CSMD1: variants seen among roughly 807,000 people sequenced by gnomAD.
CSMD1 encodes CUB and Sushi multiple domains 1.
In CSMD1, 213 loss-of-function variants were observed where a neutral mutation model predicts 417.5. That is an observed-to-expected ratio of 0.51 (90% CI 0.46 to 0.57). The LOEUF is 0.57. Among genes scored for constraint, CSMD1 ranks in the 20% least tolerant of loss-of-function variants. The pLI is 0.00. For missense variants in CSMD1, 6,923 were observed against 4,529.7 expected, an observed-to-expected ratio of 1.53 and a Z score of -15.17; for synonymous variants, 2,862 against 1,736.8, an observed-to-expected ratio of 1.65 and a Z score of -16.11.
At chr8:4,343,247 A>G (rs946715214) in intron 3 of CSMD1, among the ~76,000 whole-genome samples, 2 of 152,138 alleles carry the variant, frequency 1.3e-5, no homozygotes, top group East Asian at 1.9e-4. Flanking sequence ...CACAGACAGG[A>G]GGATGGAGGT....
intron 1 of CSMD1, among the ~76,000 whole-genome samples, chr8:4,702,772 G>A (rs1316918194): frequency 1.3e-5 from 2 of 152,098 alleles, no homozygotes; most frequent in Non-Finnish European, 2.9e-5. Flanking sequence ...ATCCTTTTGC[G>A]GGAAAATGTT....
In CSMD1 at chr8:3,589,951, T is replaced by C. The variant is rs144861627; in HGVS notation, c.1098-3691A>G. ...GGCAATATATGTTTATCATCCAAAA[T>C]ATAGGAAATTTCTGGTGATATTCTT... On this transcript the variant is annotated intron_variant, in intron 8 of 69. Transcript: ENST00000635120. 1.0e-3 allele frequency among the ~76,000 whole-genome samples: 60 copies of C among 57,790 alleles called. 1 individual carries two copies. Among genetic ancestry groups the C allele is most frequent in the African/African-American group, 4.6e-3 (59 of 12,700 alleles). 37.9% of individuals were successfully genotyped at this position (57,790 alleles called of 152,430 possible). A position where few individuals can be genotyped will look rare whatever the true frequency, so the allele number is the denominator to read the frequency against.
At chr8:4,734,434 A>C (rs574358559) in intron 1 of CSMD1, among the ~76,000 whole-genome samples, 1 of 152,138 alleles carries the variant, frequency 6.6e-6, no homozygotes, top group African/African-American at 2.4e-5. Context: ...AAAAAGGTGA[A>C]AAGTTGAATA....
intron 6 of CSMD1, among the ~76,000 whole-genome samples, chr8:3,715,789 C>G (rs1250344122): frequency 6.6e-6 from 1 of 152,138 alleles, no homozygotes; most frequent in South Asian, 2.1e-4. Flanking sequence ...GTGATCCTCC[C>G]GCCCTGGCCT....
intron 1 of CSMD1, chr8:4,787,884 G>A: frequency 6.3e-7 from 1 of 1,579,040 alleles, no homozygotes; most frequent in Non-Finnish European, 8.7e-7. Flanking sequence ...TTGATATGAA[G>A]ATTGAATTTG....
At chr8:3,451,931 A>C (rs1815749567) in intron 12 of CSMD1, among the ~76,000 whole-genome samples, 1 of 152,184 alleles carries the variant, frequency 6.6e-6, no homozygotes. Flanking sequence ...CACGACATTG[A>C]TTCTTCCTAC....
Position 4,740,622 on chromosome 8 carries a change from G to A in CSMD1, c.86-103064C>T, listed in dbSNP as rs541771001. 4.6e-5 allele frequency among the ~76,000 whole-genome samples: 7 copies of A among 152,280 alleles called. No homozygotes were observed. In the South Asian group the frequency reaches 1.4e-3, roughly 32 times the overall value. On this transcript the variant is annotated intron_variant, in intron 1 of 69. Transcript: ENST00000635120. ...CACCAATTGATGAAATGTTGTGGAA[G>A]ACACATCTACGAGGAGTATGTGCAG...
intron 7 of CSMD1, among the ~76,000 whole-genome samples, chr8:3,689,357 C>T (rs1296947455): frequency 6.6e-6 from 1 of 152,158 alleles, no homozygotes; most frequent in African/African-American, 2.4e-5. Flanking sequence ...CCTCATACCA[C>T]CCTTGCTGAT....
At chr8:3,043,053 T>C (rs7460623) in intron 50 of CSMD1, among the ~76,000 whole-genome samples, 5,595 of 143,388 alleles carry the variant, frequency 0.039, 508 homozygotes, top group African/African-American at 0.15. Context: ...TGGGATTATA[T>C]GTATATATAG....
chr8:2,941,903 C>T (rs1450775078), intron 69 of CSMD1, among the ~76,000 whole-genome samples: 1 of 152,026 alleles, frequency 6.6e-6, no homozygotes, highest in Non-Finnish European at 1.5e-5. Context: ...GGCCATGGAG[C>T]CTGAATGTAG....
intron 23 of CSMD1, among the ~76,000 whole-genome samples, chr8:3,325,772 C>T (rs770805437): frequency 6.6e-5 from 10 of 151,998 alleles, no homozygotes; most frequent in South Asian, 4.2e-4. Flanking sequence ...TGCAGTGAGC[C>T]GAGACTGTAC....
chr8:3,931,733 C>G (rs1197766722), intron 5 of CSMD1, among the ~76,000 whole-genome samples: 2 of 148,874 alleles, frequency 1.3e-5, no homozygotes, highest in Non-Finnish European at 1.5e-5. Flanking sequence ...AGGCTTTAAT[C>G]TCAATCCACA....
intron 1 of CSMD1, among the ~76,000 whole-genome samples, chr8:4,692,447 G>C (rs62484581): frequency 1.3e-5 from 2 of 152,138 alleles, no homozygotes; most frequent in Admixed American, 1.3e-4. Context: ...GACCGTCCTT[G>C]AAGCTCCTGG....
chr8:3,032,079 C>T (rs373091796), intron 50 of CSMD1, among the ~76,000 whole-genome samples: 5 of 150,890 alleles, frequency 3.3e-5, no homozygotes, highest in East Asian at 1.9e-4. Context: ...AGGAAAGAAA[C>T]GTGTATGAGT....
intron 1 of CSMD1, among the ~76,000 whole-genome samples, chr8:4,972,647 A>G (rs898389072): frequency 6.6e-6 from 1 of 152,138 alleles, no homozygotes; most frequent in Non-Finnish European, 1.5e-5. Context: ...TACAGACACT[A>G]AGCAATATTC....
chr8:3,961,377 T>C (rs1812308301), intron 5 of CSMD1, among the ~76,000 whole-genome samples: 1 of 152,220 alleles, frequency 6.6e-6, no homozygotes, highest in Admixed American at 6.5e-5. Flanking sequence ...TCTGATTATC[T>C]AGACTCCACT....
chr8:3,670,471 C>G (rs959615453), intron 7 of CSMD1, among the ~76,000 whole-genome samples: 2 of 148,160 alleles, frequency 1.3e-5, no homozygotes, highest in Non-Finnish European at 3.0e-5. Flanking sequence ...ATATATGTAT[C>G]CCATATATAT....
intron 5 of CSMD1, among the ~76,000 whole-genome samples, chr8:3,792,902 G>C (rs1174464413): frequency 6.6e-6 from 1 of 152,142 alleles, no homozygotes; most frequent in South Asian, 2.1e-4. Flanking sequence ...TAACCTACCT[G>C]AGATTTACCG....
intron 10 of CSMD1, among the ~76,000 whole-genome samples, chr8:3,567,011 A>G (rs1365051995): frequency 6.6e-6 from 1 of 152,252 alleles, no homozygotes; most frequent in East Asian, 1.9e-4. Context: ...AATAGAAAAT[A>G]CATGGAGTCA....
Sources: allele counts gnomAD v4.1 joint callset (sites outside exome capture counted in the v4.1 genomes callset), GRCh38; gene constraint gnomAD v4.1.1; transcripts MANE v1.5; gene names NCBI Gene and HGNC (gene_info 2026-07-23, HGNC 2026-07-21).